The following EYS variants were observed in gnomAD, a reference collection of about 807,000 sequenced individuals.
The protein encoded by EYS is protein eyes shut homolog.
A neutral mutation model predicts 282.1 loss-of-function variants in EYS; 250 were observed. The observed-to-expected ratio is 0.89, with a 90% CI of 0.80 to 0.98. The LOEUF (loss-of-function observed/expected upper bound fraction) is 0.98, where lower values mean the gene tolerates loss of function less well. Ranked by LOEUF, EYS falls within the 50% of genes least tolerant of loss-of-function variation. EYS has a pLI of 0.00. For missense variants in EYS, 4,016 were observed against 3,709.0 expected (o/e 1.08, Z -2.15); for synonymous variants, 1,355 against 1,282.9 (o/e 1.06, Z -1.20).
rs114509302 is a variant in EYS at position 64,064,423 on chromosome 6, A to C, written c.6725+1915T>G. ...ATGAGCACTCAACAGTTTTAAATTA[A>C]TGATATATAATATGTAATATATAGT... On this transcript the variant is annotated intron_variant, in intron 33 of 42. Transcript: ENST00000503581. 2.9e-3 allele frequency among the ~76,000 whole-genome samples: 440 copies of C among 152,336 alleles called. 2 individuals are homozygous for C. Among genetic ancestry groups the C allele is most frequent in the African/African-American group, 0.01 (422 of 41,576 alleles).
chr6:64,054,364 C>G (rs1413149065), intron 33 of EYS, among the ~76,000 whole-genome samples: 1 of 152,064 alleles, frequency 6.6e-6, no homozygotes, highest in Non-Finnish European at 1.5e-5. Flanking sequence ...TAGGAAGGAG[C>G]TGTATTACTA....
At chr6:63,834,732 G>A (rs933503508) in intron 36 of EYS, among the ~76,000 whole-genome samples, 5 of 151,856 alleles carry the variant, frequency 3.3e-5, no homozygotes, top group Non-Finnish European at 1.5e-5. Context: ...AAATCATGCT[G>A]CTGTATAGAC....
intron 26 of EYS, among the ~76,000 whole-genome samples, chr6:64,563,101 G>C (rs1009488068): frequency 6.6e-6 from 1 of 151,924 alleles, no homozygotes; most frequent in Non-Finnish European, 1.5e-5. Context: ...TATTGAAGTA[G>C]GTACTTAGTT....
intron 31 of EYS, among the ~76,000 whole-genome samples, chr6:64,117,979 A>T (rs565636752): frequency 2.4e-4 from 37 of 152,196 alleles, no homozygotes; most frequent in African/African-American, 8.2e-4. Flanking sequence ...GACCAAATTT[A>T]AGCAAGAAAG....
intron 1 of EYS, among the ~76,000 whole-genome samples, chr6:65,684,409 C>T (rs550213210): frequency 3.3e-5 from 5 of 152,072 alleles, no homozygotes; most frequent in South Asian, 4.1e-4. Flanking sequence ...TAAAGCCAAA[C>T]GTGGGAGCAC....
chr6:64,149,290 C>A (rs1238285235), intron 31 of EYS, among the ~76,000 whole-genome samples: 2 of 152,164 alleles, frequency 1.3e-5, no homozygotes, highest in African/African-American at 4.8e-5. Flanking sequence ...AGAAACTCTG[C>A]AGGCAGAAAT....
chr6:64,636,597 C>G, intron 22 of EYS, among the ~76,000 whole-genome samples: 1 of 152,024 alleles, frequency 6.6e-6, no homozygotes, highest in South Asian at 2.1e-4. Context: ...AATGGGATCT[C>G]ATTAAACTAA....
chr6:64,957,142 T>A (rs1355416350), intron 14 of EYS, among the ~76,000 whole-genome samples: 1 of 152,142 alleles, frequency 6.6e-6, no homozygotes, highest in Non-Finnish European at 1.5e-5. Flanking sequence ...TGCAGCATTG[T>A]TCACAATAGC....
At chr6:65,421,710 T>C (rs1383344425) in intron 5 of EYS, among the ~76,000 whole-genome samples, 1 of 151,900 alleles carries the variant, frequency 6.6e-6, no homozygotes, top group African/African-American at 2.4e-5. Context: ...TTCCTTTCAC[T>C]GAAACACTTA....
At chr6:65,431,792 A>C (rs545866705) in intron 5 of EYS, among the ~76,000 whole-genome samples, 1 of 152,252 alleles carries the variant, frequency 6.6e-6, no homozygotes, top group Non-Finnish European at 1.5e-5. Flanking sequence ...TGAGCTAGTA[A>C]TTTTAGTTAT....
intron 2 of EYS, among the ~76,000 whole-genome samples, chr6:65,520,720 T>TA (rs1279447271): frequency 6.6e-6 from 1 of 152,008 alleles, no homozygotes; most frequent in Non-Finnish European, 1.5e-5. Flanking sequence ...TATTGACTGA[T>TA]AATTGTGAGT....
intron 24 of EYS, among the ~76,000 whole-genome samples, chr6:64,607,147 T>TA (rs1766961959): frequency 6.6e-6 from 1 of 152,048 alleles, no homozygotes; most frequent in Non-Finnish European, 1.5e-5. Flanking sequence ...GTTTTTATCA[T>TA]AAAAAACGCA....
intron 31 of EYS, among the ~76,000 whole-genome samples, chr6:64,204,960 G>A (rs1049631049): frequency 3.9e-5 from 6 of 152,122 alleles, no homozygotes; most frequent in Non-Finnish European, 8.8e-5. Context: ...TGCACTGATG[G>A]ATTGATAGAG....
rs193112880 is a variant in EYS at position 65,214,315 on chromosome 6, T to C, written c.2023+81548A>G. On this transcript the variant is annotated intron_variant, in intron 12 of 42. Coordinates refer to ENST00000503581, the MANE Select transcript of EYS (RefSeq NM_001142800.2). ...TTCAGTGATACAAGGAATGATAAGA[T>C]AGTGAAACACCCTTATTACTGATAT... Among the ~76,000 whole-genome samples the C allele has an allele frequency of 2.2e-3, 342 of 152,034 alleles. 1 individual carries two copies. Among genetic ancestry groups the C allele is most frequent in the Non-Finnish European group, 3.8e-3 (256 of 67,996 alleles).
intron 11 of EYS, among the ~76,000 whole-genome samples, chr6:65,318,644 AAT>A (rs1562093760): frequency 4.4e-5 from 6 of 136,168 alleles, no homozygotes; most frequent in Admixed American, 2.3e-4. Context: ...TTATATATAT[AAT>A]ATATGTATTT....
chr6:64,045,445 T>A (rs946638329), intron 33 of EYS, among the ~76,000 whole-genome samples: 1 of 149,846 alleles, frequency 6.7e-6, no homozygotes, highest in African/African-American at 2.4e-5. Flanking sequence ...TTATTTATTT[T>A]ATTTTATTTT....
At chr6:63,848,595 C>T (rs1772160503) in intron 36 of EYS, among the ~76,000 whole-genome samples, 1 of 151,980 alleles carries the variant, frequency 6.6e-6, no homozygotes, top group Admixed American at 6.6e-5. Flanking sequence ...GGAACTCCAT[C>T]CCCTAGCCAC....
intron 13 of EYS, among the ~76,000 whole-genome samples, chr6:65,016,510 T>C (rs1176789058): frequency 6.6e-6 from 1 of 152,134 alleles, no homozygotes; most frequent in Non-Finnish European, 1.5e-5. Context: ...AAAATTCAGA[T>C]ATTTAGAGAA....
chr6:64,514,308 A>G (rs1005692561), intron 26 of EYS, among the ~76,000 whole-genome samples: 1 of 151,876 alleles, frequency 6.6e-6, no homozygotes, highest in Admixed American at 6.6e-5. Context: ...GATATTAGTT[A>G]TCAGTGTAGG....
Sources: gnomAD v4.1 joint callset for allele counts (sites outside exome capture counted in the v4.1 genomes callset) on GRCh38, gnomAD v4.1.1 for gene constraint, MANE v1.5 for transcripts, NCBI Gene and HGNC (gene_info 2026-07-23, HGNC 2026-07-21) for gene names.